RAB3C: variants seen among roughly 807,000 people sequenced by gnomAD.
RAB3C encodes the protein ras-related protein Rab-3C.
RAB3C carries 17 observed loss-of-function variants against 26.4 expected under a neutral mutation model. The observed-to-expected ratio is 0.64, with a 90% CI of 0.44 to 0.97. The LOEUF (loss-of-function observed/expected upper bound fraction) is 0.97. RAB3C is among the 50% of genes least tolerant of loss of function. The probability of loss-of-function intolerance (pLI) is 0.00; values close to 1 mark genes in which losing one functional copy is unlikely to be tolerated. For missense variants in RAB3C, 242 were observed against 281.9 expected, an observed-to-expected ratio of 0.86 and a Z score of 1.01; for synonymous variants, 91 against 95.9, an observed-to-expected ratio of 0.95 and a Z score of 0.30.
intron 3 of RAB3C, chr5:58,822,687 T>C: frequency 2.3e-6 from 1 of 426,254 alleles, no homozygotes; most frequent in South Asian, 2.1e-5. Flanking sequence ...ATATGATTTG[T>C]CAGATTACTT....
intron 4 of RAB3C, among the ~76,000 whole-genome samples, chr5:58,841,965 T>G (rs1192285125): frequency 1.3e-5 from 2 of 152,168 alleles, no homozygotes; most frequent in Non-Finnish European, 2.9e-5. Flanking sequence ...GTGCCAGGCA[T>G]GTGATGTTAA....
intron 3 of RAB3C, chr5:58,741,935 C>G (rs1411053161): frequency 6.6e-6 from 1 of 150,876 alleles, no homozygotes; most frequent in Non-Finnish European, 1.5e-5. Context: ...AACTGGGAGG[C>G]AGAGGTTGCA....
chr5:58,848,351 T>G (rs1029799633), intron 4 of RAB3C: 3 of 152,224 alleles, frequency 2.0e-5, no homozygotes, highest in Non-Finnish European at 4.4e-5. Context: ...GATGAAAGTT[T>G]ATGGTATATT....
At position 58,682,465 on chromosome 5, in the gene RAB3C, A is replaced by G. The variant is rs533724982; in HGVS notation, c.253-43537A>G. ...TTTGGGAGGCTGAGGCAGGTGGATCATGGGGTCAGGAGATCGAGACCACCC... is the reference window on the plus strand; with the variant it reads ...TTTGGGAGGCTGAGGCAGGTGGATCGTGGGGTCAGGAGATCGAGACCACCC... On this transcript the variant is annotated intron_variant, in intron 2 of 4. Coordinates refer to ENST00000282878, the MANE Select transcript of RAB3C (RefSeq NM_138453.4). 2.0e-5 allele frequency among the ~76,000 whole-genome samples: 3 copies of G among 152,072 alleles called. No individual in the cohort carries two copies. In the South Asian group the frequency reaches 6.2e-4, roughly 32 times the overall value.
intron 3 of RAB3C, among the ~76,000 whole-genome samples, chr5:58,755,368 G>C (rs747271929): frequency 4.6e-5 from 7 of 152,152 alleles, no homozygotes; most frequent in Non-Finnish European, 8.8e-5. Context: ...ATAGATTGCT[G>C]TTCTTTAGAG....
intron 3 of RAB3C, among the ~76,000 whole-genome samples, chr5:58,787,115 G>C (rs1051681983): frequency 6.6e-6 from 1 of 152,212 alleles, no homozygotes; most frequent in African/African-American, 2.4e-5. Context: ...TGGGCAACAG[G>C]CCTGAGCCCC....
Position 58,851,131 on chromosome 5 carries a change from T to C in RAB3C, c.497-33T>C, listed in dbSNP as rs1188881269. Reference sequence around the variant, plus strand: ...CCCATTTAATTTCAGAAATGCAAAATAACCAAGATGTGTTTCTGTGTGTTT... The same window carrying C: ...CCCATTTAATTTCAGAAATGCAAAACAACCAAGATGTGTTTCTGTGTGTTT... On this transcript the variant is annotated intron_variant, in intron 4 of 4. Transcript: ENST00000282878. 1.9e-6 allele frequency: 3 copies of C among 1,557,474 alleles called. No individual in the cohort carries two copies. In the South Asian group the frequency reaches 3.7e-5, roughly 19 times the overall value.
chr5:58,625,268 C>T (rs1216467179), intron 2 of RAB3C, among the ~76,000 whole-genome samples: 1 of 152,080 alleles, frequency 6.6e-6, no homozygotes, highest in Non-Finnish European at 1.5e-5. Context: ...TAATATTGCT[C>T]TTTATAAGGT....
chr5:58,655,623 A>G (rs1425691082), intron 2 of RAB3C, among the ~76,000 whole-genome samples: 3 of 152,252 alleles, frequency 2.0e-5, no homozygotes, highest in Non-Finnish European at 4.4e-5. Context: ...GCAAGGAAAC[A>G]TTATTTGGAG....
intron 3 of RAB3C, among the ~76,000 whole-genome samples, chr5:58,753,531 GT>G (rs1157895100): frequency 2.6e-5 from 4 of 152,088 alleles, no homozygotes; most frequent in Non-Finnish European, 5.9e-5. Context: ...AATTATAGTA[GT>G]CTTTCGAGTC....
At chr5:58,673,710 A>G (rs1748168698) in intron 2 of RAB3C, among the ~76,000 whole-genome samples, 1 of 152,164 alleles carries the variant, frequency 6.6e-6, no homozygotes, top group Non-Finnish European at 1.5e-5. Flanking sequence ...GCTTCTCTTA[A>G]ATTACGTTTC....
At position 58,583,885 on chromosome 5, in the gene RAB3C, C is replaced by T. The variant is rs941391734; in HGVS notation, c.24+653C>T. Among the ~76,000 whole-genome samples the T allele has an allele frequency of 2.6e-5, 4 of 152,298 alleles. No homozygotes were observed. In the South Asian group the frequency reaches 8.3e-4, roughly 32 times the overall value. Reference sequence around the variant, plus strand: ...ATGTGCCCATTTGTTCTCCGATTCCCCATTTCAATCACATTCTTAGGTTTG... The same window carrying T: ...ATGTGCCCATTTGTTCTCCGATTCCTCATTTCAATCACATTCTTAGGTTTG... On this transcript the variant is annotated intron_variant, in intron 1 of 4. Coordinates refer to ENST00000282878, the MANE Select transcript of RAB3C (RefSeq NM_138453.4).
At chr5:58,792,627 C>A (rs926117622) in intron 3 of RAB3C, among the ~76,000 whole-genome samples, 16 of 152,012 alleles carry the variant, frequency 1.1e-4, no homozygotes, top group African/African-American at 3.9e-4. Flanking sequence ...TGATAGTATA[C>A]CTACTAGATT....
At chr5:58,805,606 A>AGG (rs1185465622) in intron 3 of RAB3C, among the ~76,000 whole-genome samples, 2 of 144,890 alleles carry the variant, frequency 1.4e-5, no homozygotes, top group African/African-American at 2.5e-5. Flanking sequence ...AAAAAAAAAG[A>AGG]GAGAGAGAGA....
chr5:58,797,639 G>C (rs1321138449), intron 3 of RAB3C, among the ~76,000 whole-genome samples: 4 of 151,972 alleles, frequency 2.6e-5, no homozygotes, highest in Non-Finnish European at 4.4e-5. Context: ...CAGCAAAGAA[G>C]CTATTCATGC....
At chr5:58,749,301 A>T (rs1461059232) in intron 3 of RAB3C, among the ~76,000 whole-genome samples, 3 of 152,202 alleles carry the variant, frequency 2.0e-5, no homozygotes, top group African/African-American at 7.2e-5. Flanking sequence ...TTTTTAAAAA[A>T]ATTTCAATGT....
chr5:58,804,776 A>G (rs1297878254), intron 3 of RAB3C, among the ~76,000 whole-genome samples: 1 of 152,090 alleles, frequency 6.6e-6, no homozygotes. Flanking sequence ...CTTTCTTGCA[A>G]AAAGAACACC....
intron 3 of RAB3C, among the ~76,000 whole-genome samples, chr5:58,815,493 C>G (rs1743196043): frequency 6.6e-6 from 1 of 152,168 alleles, no homozygotes; most frequent in African/African-American, 2.4e-5. Flanking sequence ...CACAGATGTC[C>G]TTTGCAGACT....
chr5:58,761,777 TGTAA>T (rs766009563), intron 3 of RAB3C, among the ~76,000 whole-genome samples: 7 of 152,340 alleles, frequency 4.6e-5, no homozygotes, highest in East Asian at 1.9e-4. Flanking sequence ...CTTTATATAC[TGTAA>T]GTGATGACAG....
Sources: allele counts gnomAD v4.1 joint callset (sites outside exome capture counted in the v4.1 genomes callset), GRCh38; gene constraint gnomAD v4.1.1; transcripts MANE v1.5; gene names NCBI Gene and HGNC (gene_info 2026-07-23, HGNC 2026-07-21).